Variants in RANBP3 observed in about 807,000 individuals in gnomAD.
The protein encoded by RANBP3 is ran-binding protein 3.
RANBP3 carries 14 observed loss-of-function variants against 77.3 expected under a neutral mutation model. That is an observed-to-expected ratio of 0.18 (90% confidence interval 0.12 to 0.28). The LOEUF (loss-of-function observed/expected upper bound fraction) is 0.28. Among genes scored for constraint, RANBP3 ranks in the 10% least tolerant of loss-of-function variants. The probability of loss-of-function intolerance (pLI) is 1.00; values close to 1 mark genes in which losing one functional copy is unlikely to be tolerated. For missense variants in RANBP3, 586 were observed against 752.3 expected (o/e 0.78, Z 2.59); for synonymous variants, 315 against 312.4 (o/e 1.01, Z -0.09).
In RANBP3 at chr19:5,958,849, TG is replaced by T. The variant is rs1273898874; in HGVS notation, c.23-877del. 2.0e-5 allele frequency among the ~76,000 whole-genome samples: 3 copies of T among 152,228 alleles called. No homozygotes were observed. Among genetic ancestry groups the T allele is most frequent in the Non-Finnish European group, 4.4e-5 (3 of 68,040 alleles). On this transcript the variant is annotated intron_variant, in intron 1 of 16. Transcript: ENST00000340578. The surrounding 1 kb of genome is among the most constrained non-coding windows in gnomAD (Gnocchi z 4.4). ...CATTCAGGGCACTGAGGGCCTAGCG[TG>T]GAGGCCAAGCAAGAGCAGCTGTGAC...
intron 1 of RANBP3, among the ~76,000 whole-genome samples, chr19:5,962,888 A>G (rs541872574): frequency 6.6e-6 from 1 of 152,178 alleles, no homozygotes; most frequent in East Asian, 1.9e-4. Context: ...GCCATTCCCT[A>G]TCACCAGGCT....
At position 5,933,459 on chromosome 19, in the gene RANBP3, G is replaced by A. The variant is rs370729994; in HGVS notation, c.427C>T (p.Arg143Trp). Residue 143 changes from arginine (R) to tryptophan (W), a missense_variant, in exon 6 of 17, where the codon CGG becomes TGG. Transcript: ENST00000340578. ...SQSEERSSGF[R>W]LKPPTLIHGQ... is the part of the protein sequence containing the mutation. The stretch of plus-strand genomic sequence containing the variant: ...TGGATCAGCGTTGGTGGCTTCAACC[G>A]GAAGCCACTGCTCCTTTCCTCTAAA... The A allele has an allele frequency of 5.6e-6, 9 of 1,613,076 alleles. No individual in the cohort carries two copies. The highest frequency in any genetic ancestry group is 1.6e-4 in the Middle Eastern group (1 of 6,074).
chr19:5,977,609 C>T (rs946885643), intron 1 of RANBP3, among the ~76,000 whole-genome samples: 1 of 147,178 alleles, frequency 6.8e-6, no homozygotes, highest in African/African-American at 2.5e-5. Context: ...GCCTCACGGG[C>T]TTAGGAGATA....
Position 5,931,408 on chromosome 19 carries a change from A to C in RANBP3, c.689T>G (p.Leu230Arg), listed in dbSNP as rs781582744. The C allele has an allele frequency of 3.7e-6, 6 of 1,609,546 alleles. No homozygotes were observed. In the African/African-American group the frequency reaches 6.7e-5, roughly 18 times the overall value. Reference protein sequence around the residue: ...PSEAADEVCALEEKEPQKNES... With the variant: ...PSEAADEVCAREEKEPQKNES... ...CCTGCCTCAGGACCCACTGACCTCA[A>C]GTGCACACACCTCATCGGCAGCTTC... The change falls in exon 8 of 17, where the codon CTT (leucine) becomes CGT (arginine). Residue 230 changes from leucine to arginine, a missense_variant. Coordinates refer to ENST00000340578, the MANE Select transcript of RANBP3 (RefSeq NM_007322.3).
At chr19:5,951,816 G>A (rs1385220227) in intron 2 of RANBP3, among the ~76,000 whole-genome samples, 3 of 152,166 alleles carry the variant, frequency 2.0e-5, no homozygotes, top group Non-Finnish European at 1.5e-5. Flanking sequence ...GGTGCCATGT[G>A]ACTTTGCAGG....
chr19:5,971,557 A>G (rs1008365841), intron 1 of RANBP3, among the ~76,000 whole-genome samples: 6 of 152,246 alleles, frequency 3.9e-5, no homozygotes, highest in Non-Finnish European at 8.8e-5. Context: ...TTTCAAGTGA[A>G]TAAGAGTGAA....
At position 5,959,565 on chromosome 19, in the gene RANBP3, G is replaced by A. The variant is rs1184875215; in HGVS notation, c.23-1592C>T. Among the ~76,000 whole-genome samples, 1 of 152,170 alleles carries A rather than the reference G, an allele frequency of 6.6e-6. No homozygotes were observed. The highest frequency in any genetic ancestry group is 1.5e-5 in the Non-Finnish European group (1 of 68,018). ...CCAGGGGCTACAAGGGAGCAGGGGA[G>A]GTCAGAGGGGTCTCCAACCAGACTT... On this transcript the variant is annotated intron_variant, in intron 1 of 16. Transcript: ENST00000340578. This position sits in a 1 kb window ranked among gnomAD's most constrained non-coding sequence, Gnocchi z 5.1.
At chr19:5,951,700 C>G in intron 2 of RANBP3, 104 bp from the exon 3 acceptor site, 1 of 1,051,984 alleles carries the variant, frequency 9.5e-7, no homozygotes, top group South Asian at 1.4e-5. Context: ...CAGCTTGCAG[C>G]AGCTCCTGCG....
At chr19:5,928,233 C>G (rs1348118064) in intron 8 of RANBP3, 146 bp from the exon 9 acceptor site, 9 of 945,732 alleles carry the variant, frequency 9.5e-6, no homozygotes, top group African/African-American at 1.7e-5. Flanking sequence ...AAGGCTGAGA[C>G]AGGAGGACTG....
chr19:5,943,557 G>C (rs1423042670), intron 3 of RANBP3, among the ~76,000 whole-genome samples: 1 of 152,242 alleles, frequency 6.6e-6, no homozygotes, highest in African/African-American at 2.4e-5. Context: ...AGAGAAGGTA[G>C]GAAGTTGACT....
chr19:5,921,327 AC>A lies in RANBP3; in HGVS notation c.1210-7del. ...ACAAACAGCTTGCACTGCATCTGGAACACAGTGGCCGCCGGTAAGCAGGGAC... is the reference window on the plus strand; with the variant it reads ...ACAAACAGCTTGCACTGCATCTGGAAACAGTGGCCGCCGGTAAGCAGGGAC... On this transcript the variant is annotated splice_region_variant and splice_polypyrimidine_tract_variant and intron_variant, in intron 13 of 16. Transcript: ENST00000340578. This position sits in a 1 kb window ranked among gnomAD's most constrained non-coding sequence, Gnocchi z 5.3. 1 of 1,613,010 alleles carries A rather than the reference AC, an allele frequency of 6.2e-7. No individual in the cohort carries two copies. Among genetic ancestry groups the A allele is most frequent in the Non-Finnish European group, 8.5e-7 (1 of 1,179,572 alleles).
Position 5,924,994 on chromosome 19 carries a change from C to G in RANBP3, c.918-89G>C. ...GGTACCCATGGAGCACACACTGACA[C>G]AGAGGGCACAGTGGAGGGGCCTCCG... On this transcript the variant is annotated intron_variant, in intron 10 of 16. Transcript: ENST00000340578. The surrounding 1 kb of genome is among the most constrained non-coding windows in gnomAD (Gnocchi z 4.7). The G allele has an allele frequency of 1.6e-6, 2 of 1,219,254 alleles. No individual in the cohort carries two copies. Among genetic ancestry groups the G allele is most frequent in the South Asian group, 2.4e-5 (2 of 82,764 alleles). 75.5% of individuals were successfully genotyped at this position (1,219,254 alleles called of 1,614,324 possible).
chr19:5,928,260 G>A, intron 8 of RANBP3, 173 bp from the exon 9 acceptor site: 1 of 715,210 alleles, frequency 1.4e-6, no homozygotes, highest in South Asian at 2.1e-5. Context: ...CCTGGGAGTT[G>A]TAGTGAGCTG....
At chr19:5,947,380 C>G (rs1453717202) in intron 3 of RANBP3, among the ~76,000 whole-genome samples, 1 of 151,782 alleles carries the variant, frequency 6.6e-6, no homozygotes, top group African/African-American at 2.4e-5. Context: ...GAGCAAGCTC[C>G]GAAGACTCGA....
intron 3 of RANBP3, among the ~76,000 whole-genome samples, chr19:5,948,449 T>A (rs141165565): frequency 0.011 from 1,604 of 146,470 alleles, 11 homozygotes; most frequent in South Asian, 0.029. Context: ...CGAGACTCCA[T>A]GTCAAAAAAA....
intron 1 of RANBP3, among the ~76,000 whole-genome samples, chr19:5,972,662 A>T (rs2058544340): frequency 6.6e-6 from 1 of 151,988 alleles, no homozygotes; most frequent in Non-Finnish European, 1.5e-5. Flanking sequence ...CCCCAAATGC[A>T]TCTCAACTTT....
At chr19:5,935,930 C>T in intron 5 of RANBP3, 1 of 400,424 alleles carries the variant, frequency 2.5e-6, no homozygotes, top group East Asian at 7.3e-5. Flanking sequence ...GTAGAGGATG[C>T]TGCACCAGTC....
At position 5,921,838 on chromosome 19, in the gene RANBP3, A is replaced by G. The variant is rs2057824398; in HGVS notation, c.1210-517T>C. Among the ~76,000 whole-genome samples the G allele has an allele frequency of 6.6e-6, 1 of 152,254 alleles. No homozygotes were observed. The highest frequency in any genetic ancestry group is 6.5e-5 in the Admixed American group (1 of 15,286). On this transcript the variant is annotated intron_variant, in intron 13 of 16. Transcript: ENST00000340578. This position sits in a 1 kb window ranked among gnomAD's most constrained non-coding sequence, Gnocchi z 5.3. ...CTCAAGGAGGAATGGAGTGACACACATGGTCCGCCCCTACAGCGCATCTCA... is the reference window on the plus strand; with the variant it reads ...CTCAAGGAGGAATGGAGTGACACACGTGGTCCGCCCCTACAGCGCATCTCA...
intron 1 of RANBP3, among the ~76,000 whole-genome samples, chr19:5,972,824 C>T (rs1403891515): frequency 6.6e-5 from 10 of 152,178 alleles, no homozygotes. Context: ...CTCACTCTGA[C>T]CACCTCAGAG....
Sources: allele counts gnomAD v4.1 joint callset (sites outside exome capture counted in the v4.1 genomes callset), GRCh38; gene constraint gnomAD v4.1.1; non-coding constraint Gnocchi (gnomAD v3.1); transcripts MANE v1.5; gene names NCBI Gene and HGNC (gene_info 2026-07-23, HGNC 2026-07-21).